The following CBFA2T2 variants were observed in gnomAD, a reference collection of about 807,000 sequenced individuals.
The protein encoded by CBFA2T2 is protein CBFA2T2.
In CBFA2T2, 11 loss-of-function variants were observed where a neutral mutation model predicts 62.2. The ratio of observed to expected loss-of-function variants is 0.18; its 90% CI spans 0.11 to 0.29. CBFA2T2 has a LOEUF of 0.29. Ranked by LOEUF, CBFA2T2 falls within the 10% of genes least tolerant of loss-of-function variation. The pLI is 1.00. For synonymous variants in CBFA2T2, 295 were observed against 287.5 expected (o/e 1.03, Z -0.27); for missense variants, 592 against 774.1 (o/e 0.76, Z 2.79).
intron 9 of CBFA2T2, among the ~76,000 whole-genome samples, chr20:33,638,271 A>G (rs1601114936): frequency 1.3e-5 from 2 of 152,200 alleles, no homozygotes; most frequent in South Asian, 4.2e-4. Context: ...ATGAGCCTGT[A>G]ATGTGCCCAG....
In CBFA2T2 at chr20:33,628,335, T is replaced by C. The variant is rs769826989; in HGVS notation, c.947-15T>C. On this transcript the variant is annotated splice_polypyrimidine_tract_variant and intron_variant, in intron 6 of 10. Transcript: ENST00000342704. ...TTTCCTGCTATCTTTGAATTTAATC[T>C]GTAATTTCTAATAGGTCTAAATGGA... 64 of 1,580,338 alleles carry C rather than the reference T, an allele frequency of 4.0e-5. No individual in the cohort carries two copies. Among genetic ancestry groups the C allele is most frequent in the Non-Finnish European group, 5.2e-5 (60 of 1,149,668 alleles).
intron 1 of CBFA2T2, among the ~76,000 whole-genome samples, chr20:33,567,952 G>A (rs1434246393): frequency 1.3e-5 from 2 of 152,204 alleles, no homozygotes; most frequent in Non-Finnish European, 2.9e-5. Context: ...GTTTGGTACT[G>A]TCTGGGGTTT....
intron 1 of CBFA2T2, among the ~76,000 whole-genome samples, chr20:33,548,325 C>G (rs1253220651): frequency 1.3e-5 from 2 of 151,540 alleles, no homozygotes; most frequent in African/African-American, 4.9e-5. Context: ...CTCACTGCAA[C>G]CTCTGCCTCC....
intron 3 of CBFA2T2, among the ~76,000 whole-genome samples, chr20:33,613,323 T>G (rs1029563782): frequency 6.6e-6 from 1 of 152,158 alleles, no homozygotes; most frequent in Non-Finnish European, 1.5e-5. Flanking sequence ...CCCCCATGTT[T>G]GGAGATTTGC....
chr20:33,643,470 G>GTCCT (rs2016924991), intron 10 of CBFA2T2, among the ~76,000 whole-genome samples: 3 of 151,732 alleles, frequency 2.0e-5, no homozygotes, highest in Non-Finnish European at 4.4e-5. Flanking sequence ...CAGCTACTCA[G>GTCCT]GAGGCTAAGG....
At chr20:33,582,505 C>G (rs920255598) in intron 1 of CBFA2T2, among the ~76,000 whole-genome samples, 18 of 149,286 alleles carry the variant, frequency 1.2e-4, no homozygotes, top group African/African-American at 3.5e-4. Flanking sequence ...AATGAATCAG[C>G]AAGGTAACTT....
At chr20:33,620,191 T>C (rs529627849) in intron 4 of CBFA2T2, among the ~76,000 whole-genome samples, 2 of 152,256 alleles carry the variant, frequency 1.3e-5, no homozygotes, top group Admixed American at 6.5e-5. Context: ...ATATATGTTA[T>C]ATTTACATGG....
At chr20:33,547,100 T>G (rs1184050710) in intron 1 of CBFA2T2, among the ~76,000 whole-genome samples, 1 of 152,146 alleles carries the variant, frequency 6.6e-6, no homozygotes, top group Admixed American at 6.5e-5. Context: ...CTCAGGAGGC[T>G]GAGGCAGGAG....
At chr20:33,580,108 C>T (rs570465972) in intron 1 of CBFA2T2, among the ~76,000 whole-genome samples, 2 of 152,082 alleles carry the variant, frequency 1.3e-5, no homozygotes, top group East Asian at 1.9e-4. Flanking sequence ...TGAGCCACTG[C>T]GCCTGGCCTC....
chr20:33,606,341 C>G (rs1354617770), intron 1 of CBFA2T2, among the ~76,000 whole-genome samples: 1 of 152,176 alleles, frequency 6.6e-6, no homozygotes, highest in African/African-American at 2.4e-5. Flanking sequence ...TTCACATCAC[C>G]TCTTGACCTT....
chr20:33,496,875 C>T (rs1294948727), intron 1 of CBFA2T2, among the ~76,000 whole-genome samples: 1 of 152,184 alleles, frequency 6.6e-6, no homozygotes, highest in Admixed American at 6.6e-5. Context: ...CATCAATGAG[C>T]TTCCTTCCCC....
chr20:33,565,468 C>A (rs539822963), intron 1 of CBFA2T2, among the ~76,000 whole-genome samples: 2 of 152,146 alleles, frequency 1.3e-5, no homozygotes, highest in South Asian at 4.2e-4. Context: ...TATAGAGGGC[C>A]TGAAAAGGGG....
intron 1 of CBFA2T2, among the ~76,000 whole-genome samples, chr20:33,558,824 G>GGC (rs1555835155): frequency 7.2e-4 from 99 of 136,730 alleles, no homozygotes; most frequent in African/African-American, 2.9e-3. Flanking sequence ...CCAACTGTTT[G>GGC]GGGGGGCGGC....
At chr20:33,610,401 A>G (rs1003006920) in intron 2 of CBFA2T2, among the ~76,000 whole-genome samples, 1 of 152,184 alleles carries the variant, frequency 6.6e-6, no homozygotes, top group Non-Finnish European at 1.5e-5. Flanking sequence ...GGAAAACTGT[A>G]ATTAATCACA....
At chr20:33,583,174 T>A (rs1240744994) in intron 1 of CBFA2T2, among the ~76,000 whole-genome samples, 1 of 152,254 alleles carries the variant, frequency 6.6e-6, no homozygotes, top group Non-Finnish European at 1.5e-5. Context: ...GCATTGTTTT[T>A]ATTAATATCA....
rs1286819261 is a variant in CBFA2T2, at chr20:33,514,207, T to C, written c.34+23906T>C. ...CGTGAGCCACCGTGCCCTGCCTTTG[T>C]TTTTTTTTTTTTTTTTTTTTTTTTT... On this transcript the variant is annotated intron_variant, in intron 1 of 10. Transcript: ENST00000342704. 1.7e-3 allele frequency among the ~76,000 whole-genome samples: 85 copies of C among 50,278 alleles called. 1 individual carries two copies. The highest frequency in any genetic ancestry group is 2.8e-3 in the Non-Finnish European group (68 of 24,092). 33.0% of individuals were successfully genotyped at this position (50,278 alleles called of 152,430 possible). A position where few individuals can be genotyped will look rare whatever the true frequency, so the allele number is the denominator to read the frequency against.
chr20:33,596,173 G>A (rs2014874136), intron 1 of CBFA2T2, among the ~76,000 whole-genome samples: 1 of 152,166 alleles, frequency 6.6e-6, no homozygotes, highest in Admixed American at 6.5e-5. Context: ...CTTAAATTGA[G>A]GGAGTAATGA....
chr20:33,504,600 C>T (rs748444676), intron 1 of CBFA2T2, among the ~76,000 whole-genome samples: 12 of 151,864 alleles, frequency 7.9e-5, no homozygotes, highest in Non-Finnish European at 1.6e-4. Context: ...GATGGGGTTT[C>T]ACCATGTTGG....
At chr20:33,583,560 A>G (rs1397855408) in intron 1 of CBFA2T2, among the ~76,000 whole-genome samples, 1 of 152,222 alleles carries the variant, frequency 6.6e-6, no homozygotes. Flanking sequence ...ATTTTAAAAA[A>G]TTATCTTGTT....
Sources: allele counts gnomAD v4.1 joint callset (sites outside exome capture counted in the v4.1 genomes callset), GRCh38; gene constraint gnomAD v4.1.1; transcripts MANE v1.5; gene names NCBI Gene and HGNC (gene_info 2026-07-23, HGNC 2026-07-21).